The following DLG2 variants were observed in gnomAD, a reference collection of about 807,000 sequenced individuals.
DLG2 encodes discs large MAGUK scaffold protein 2.
A neutral mutation model predicts 132.5 loss-of-function variants in DLG2; 45 were observed. That is an observed-to-expected ratio of 0.34 (90% CI 0.27 to 0.44). DLG2 has a LOEUF of 0.44. Ranked by LOEUF, DLG2 falls within the 20% of genes least tolerant of loss-of-function variation. The pLI, the probability that DLG2 is intolerant of heterozygous loss-of-function variation, is 1.00. For missense variants in DLG2, 1,045 were observed against 1,196.9 expected (o/e 0.87, Z 1.87); for synonymous variants, 424 against 419.6 (o/e 1.01, Z -0.13).
At chr11:84,620,637 G>C (rs115871756) in intron 6 of DLG2, among the ~76,000 whole-genome samples, 30 of 152,100 alleles carry the variant, frequency 2.0e-4, no homozygotes, top group African/African-American at 6.7e-4. Context: ...AACCTCAATA[G>C]TATTCCTCAT....
intron 10 of DLG2, among the ~76,000 whole-genome samples, chr11:84,069,215 C>G (rs2096721412): frequency 1.3e-5 from 2 of 152,316 alleles, no homozygotes; most frequent in Non-Finnish European, 1.5e-5. Context: ...ACTCCAAAAA[C>G]CACTGCTCTA....
chr11:83,986,907 G>T (rs888674693), intron 11 of DLG2, among the ~76,000 whole-genome samples: 1 of 152,072 alleles, frequency 6.6e-6, no homozygotes, highest in African/African-American at 2.4e-5. Context: ...TGATGGGGTT[G>T]TTTGTCTTTT....
intron 6 of DLG2, among the ~76,000 whole-genome samples, chr11:84,829,182 G>A (rs1483155846): frequency 1.3e-5 from 2 of 151,600 alleles, no homozygotes; most frequent in Non-Finnish European, 3.0e-5. Flanking sequence ...TTCTTCCTGT[G>A]TGAGGAATAT....
At chr11:83,766,596 GT>G (rs2094156742) in intron 18 of DLG2, among the ~76,000 whole-genome samples, 2 of 151,858 alleles carry the variant, frequency 1.3e-5, no homozygotes, top group Admixed American at 6.6e-5. Flanking sequence ...TTTTGCCAAG[GT>G]TATCTTTTCT....
At chr11:84,759,756 T>C (rs1395462253) in intron 6 of DLG2, among the ~76,000 whole-genome samples, 1 of 152,192 alleles carries the variant, frequency 6.6e-6, no homozygotes, top group Non-Finnish European at 1.5e-5. Context: ...CTTGTCTTCA[T>C]ATGCTACTGG....
chr11:83,772,834 A>G (rs1357012532), intron 18 of DLG2, among the ~76,000 whole-genome samples: 1 of 152,168 alleles, frequency 6.6e-6, no homozygotes, highest in Non-Finnish European at 1.5e-5. Flanking sequence ...TCTTAGTTTC[A>G]GATTTTATTT....
At chr11:83,847,000 T>C (rs548580325) in intron 16 of DLG2, among the ~76,000 whole-genome samples, 1 of 151,796 alleles carries the variant, frequency 6.6e-6, no homozygotes, top group African/African-American at 2.4e-5. Flanking sequence ...AATGTTTTGG[T>C]TGCCAACTTA....
intron 7 of DLG2, among the ~76,000 whole-genome samples, chr11:84,394,645 T>A (rs2098804858): frequency 6.6e-6 from 1 of 152,154 alleles, no homozygotes; most frequent in Admixed American, 6.5e-5. Flanking sequence ...TTTTATTTTA[T>A]TGAGATGGAG....
intron 4 of DLG2, among the ~76,000 whole-genome samples, chr11:85,258,956 AT>A (rs1280900674): frequency 1.3e-5 from 2 of 152,194 alleles, no homozygotes; most frequent in Admixed American, 1.3e-4. Context: ...TATAATCCTT[AT>A]TTCACAGATT....
chr11:84,277,061 G>T (rs2097789770), intron 7 of DLG2, among the ~76,000 whole-genome samples: 1 of 152,166 alleles, frequency 6.6e-6, no homozygotes, highest in South Asian at 2.1e-4. Context: ...TGGACTTGTT[G>T]CGTTGAGAAG....
At chr11:84,714,657 C>CTCTCTCTT (rs2060995678) in intron 6 of DLG2, among the ~76,000 whole-genome samples, 8 of 143,468 alleles carry the variant, frequency 5.6e-5, no homozygotes, top group African/African-American at 2.2e-4. Context: ...TTCTCTCTCT[C>CTCTCTCTT]TCTCTCTCTC....
At chr11:84,784,308 G>A (rs141659844) in intron 6 of DLG2, among the ~76,000 whole-genome samples, 9,437 of 142,376 alleles carry the variant, frequency 0.066, 378 homozygotes, top group Non-Finnish European at 0.094. Flanking sequence ...CAACAAGAGC[G>A]AAACTCCACC....
intron 6 of DLG2, among the ~76,000 whole-genome samples, chr11:84,567,087 A>G (rs1287039682): frequency 6.6e-6 from 1 of 152,142 alleles, no homozygotes; most frequent in African/African-American, 2.4e-5. Flanking sequence ...TGAAAAACCA[A>G]CTTCACCTCG....
At chr11:85,339,861 C>T (rs2082366979) in intron 3 of DLG2, among the ~76,000 whole-genome samples, 1 of 152,098 alleles carries the variant, frequency 6.6e-6, no homozygotes. Context: ...AAGAAGACAT[C>T]TATGGAGCCA....
At chr11:84,736,366 T>A (rs938253645) in intron 6 of DLG2, among the ~76,000 whole-genome samples, 1 of 151,846 alleles carries the variant, frequency 6.6e-6, no homozygotes, top group Admixed American at 6.6e-5. Context: ...CCTAGGTACT[T>A]TAAATTTTCA....
chr11:85,169,610 T>C lies in DLG2; in HGVS notation c.187-14959A>G, dbSNP rs566407892. Among the ~76,000 whole-genome samples, 105 of 152,310 alleles carry C rather than the reference T, an allele frequency of 6.9e-4. 1 individual carries two copies. Among genetic ancestry groups the C allele is most frequent in the African/African-American group, 2.4e-3 (101 of 41,582 alleles). On this transcript the variant is annotated intron_variant, in intron 4 of 27. Coordinates refer to ENST00000376104, the MANE Select transcript of DLG2 (RefSeq NM_001142699.3). ...GAACAGATCATCATTTGTGAATTGC[T>C]GTGTTTGGAAACTGAATGGGACCTT...
At chr11:84,541,277 A>C (rs2099368605) in intron 6 of DLG2, among the ~76,000 whole-genome samples, 1 of 152,010 alleles carries the variant, frequency 6.6e-6, no homozygotes, top group Non-Finnish European at 1.5e-5. Flanking sequence ...GAGGCAGGAT[A>C]GGTGCTCAAG....
In DLG2 at chr11:83,459,604, C is replaced by A; in HGVS notation, c.*214G>T. 1 of 439,710 alleles carries A rather than the reference C, an allele frequency of 2.3e-6. No individual in the cohort carries two copies. The highest frequency in any genetic ancestry group is 4.1e-6 in the Non-Finnish European group (1 of 243,134). The allele number at this position is 439,710 out of a possible 1,614,324, so 27.2% of individuals were successfully genotyped here. ...ACCTGGCACTTTGAGCAAACCAAAG[C>A]CTTCCTTCATACTGCAATGTCTTTT... is the stretch of plus-strand genomic sequence containing the variant. On this transcript the variant is annotated 3_prime_UTR_variant, in exon 28 of 28. Coordinates refer to ENST00000376104, the MANE Select transcript of DLG2 (RefSeq NM_001142699.3).
chr11:83,503,369 TTATATATATATATATATATATA>T lies in DLG2; in HGVS notation c.2194-19163_2194-19142del, dbSNP rs34969401. Reference sequence around the variant, plus strand: ...TATATATATACACACACACACCCATTTATATATATATATATATATATATATATATATATATATATATATATAT... The same window carrying T: ...TATATATATACACACACACACCCATTTATATATATATATATATATATATAT... On this transcript the variant is annotated intron_variant, in intron 21 of 27. Coordinates refer to ENST00000376104, the MANE Select transcript of DLG2 (RefSeq NM_001142699.3). Among the ~76,000 whole-genome samples, 494 of 90,716 alleles carry T rather than the reference TTATATATATATATATATATATA, an allele frequency of 5.4e-3. 18 individuals carry two copies. The highest frequency in any genetic ancestry group is 0.018 in the African/African-American group (438 of 24,034). The allele number at this position is 90,716 out of a possible 152,430, so 59.5% of individuals were successfully genotyped here. A position where few individuals can be genotyped will look rare whatever the true frequency, so the allele number is the denominator to read the frequency against.
Sources: allele counts gnomAD v4.1 joint callset (sites outside exome capture counted in the v4.1 genomes callset), GRCh38; gene constraint gnomAD v4.1.1; transcripts MANE v1.5; gene names NCBI Gene and HGNC (gene_info 2026-07-23, HGNC 2026-07-21).